The following ASTN2 variants were observed in gnomAD, a reference collection of about 807,000 sequenced individuals.
ASTN2 encodes astrotactin 2.
ASTN2 carries 54 observed loss-of-function variants against 139.8 expected under a neutral mutation model. That is an observed-to-expected ratio of 0.39 (90% confidence interval 0.31 to 0.48). ASTN2 has a LOEUF of 0.48. Ranked by LOEUF, ASTN2 falls within the 20% of genes least tolerant of loss-of-function variation. The probability of loss-of-function intolerance (pLI) is 0.95; values close to 1 mark genes in which losing one functional copy is unlikely to be tolerated. For synonymous variants in ASTN2, 756 were observed against 719.5 expected, an observed-to-expected ratio of 1.05 and a Z score of -0.81; for missense variants, 1,565 against 1,725.1, an observed-to-expected ratio of 0.91 and a Z score of 1.64.
At chr9:116,682,501 T>C (rs532779774) in intron 16 of ASTN2, among the ~76,000 whole-genome samples, 1 of 152,290 alleles carries the variant, frequency 6.6e-6, no homozygotes, top group East Asian at 1.9e-4. Flanking sequence ...AGAAATACCA[T>C]TTGACCCAGC....
intron 3 of ASTN2, among the ~76,000 whole-genome samples, chr9:117,188,193 A>G (rs1293476235): frequency 4.5e-5 from 3 of 66,488 alleles, no homozygotes; most frequent in African/African-American, 1.6e-4. Context: ...AGAGAGAGAG[A>G]CAGAGAGAGA....
intron 19 of ASTN2, among the ~76,000 whole-genome samples, chr9:116,528,786 G>C (rs916000513): frequency 6.6e-6 from 1 of 152,162 alleles, no homozygotes; most frequent in African/African-American, 2.4e-5. Flanking sequence ...ATGGCTAAAA[G>C]GGGCCAAGGT....
At chr9:116,442,921 T>C (rs546693408) in intron 20 of ASTN2, among the ~76,000 whole-genome samples, 3 of 152,290 alleles carry the variant, frequency 2.0e-5, no homozygotes, top group South Asian at 4.1e-4. Flanking sequence ...CATTTATATA[T>C]TCATTAATTT....
At position 116,820,648 on chromosome 9, in the gene ASTN2, C is replaced by G; in HGVS notation, c.2176G>C (p.Ala726Pro). ...AACATGAAGATGGTGCTCGAAGTGG[C>G]ATCGTAGGGCAGGGGCAGCGTCTGC... Reference protein sequence around the residue: ...LQQTLPLPYDATSSTIFMFCG... With the variant: ...LQQTLPLPYDPTSSTIFMFCG... The change falls in exon 12 of 23, where the codon GCC becomes CCC. Residue 726 changes from alanine to proline, a missense_variant. Transcript: ENST00000313400. The G allele has an allele frequency of 1.2e-6, 2 of 1,614,142 alleles. No homozygotes were observed. Among genetic ancestry groups the G allele is most frequent in the Non-Finnish European group, 1.7e-6 (2 of 1,179,998 alleles).
At chr9:117,178,256 C>A (rs773852785) in intron 3 of ASTN2, among the ~76,000 whole-genome samples, 6 of 152,204 alleles carry the variant, frequency 3.9e-5, no homozygotes, top group African/African-American at 7.2e-5. Flanking sequence ...AGAATGAAAG[C>A]TCCACAAGGA....
In ASTN2 at chr9:116,464,011, G is replaced by A. The variant is rs140825495; in HGVS notation, c.3498-21458C>T. On this transcript the variant is annotated intron_variant, in intron 20 of 22. Coordinates refer to ENST00000313400, the MANE Select transcript of ASTN2 (RefSeq NM_001365068.1). ...GATCTTCCCACCTCGGCCTCCCAAA[G>A]TGCTGAGATTAAAGGTGCCAGCCAC... Among the ~76,000 whole-genome samples, 576 of 147,448 alleles carry A rather than the reference G, an allele frequency of 3.9e-3. 4 individuals carry two copies. Among genetic ancestry groups the A allele is most frequent in the African/African-American group, 0.014 (550 of 40,152 alleles).
chr9:117,060,404 A>G (rs558336327), intron 5 of ASTN2, among the ~76,000 whole-genome samples: 6 of 74,292 alleles, frequency 8.1e-5, no homozygotes, highest in East Asian at 6.1e-4. Flanking sequence ...GAAAGAAAGA[A>G]AGAAAGAAGG....
chr9:116,444,859 G>T (rs1564281495), intron 20 of ASTN2, among the ~76,000 whole-genome samples: 2 of 152,312 alleles, frequency 1.3e-5, no homozygotes, highest in African/African-American at 4.8e-5. Flanking sequence ...GATGTGAAAT[G>T]TAAGTGCACT....
intron 20 of ASTN2, among the ~76,000 whole-genome samples, chr9:116,462,293 A>T (rs753724406): frequency 2.0e-5 from 3 of 152,158 alleles, no homozygotes; most frequent in Non-Finnish European, 4.4e-5. Context: ...CCTTTTACAC[A>T]GGAAGAAATG....
chr9:116,513,984 CCTT>C (rs1388001242), intron 19 of ASTN2, among the ~76,000 whole-genome samples: 3 of 151,562 alleles, frequency 2.0e-5, no homozygotes, highest in South Asian at 4.1e-4. Flanking sequence ...TTTTCTGAAG[CCTT>C]CTTCTCTCAA....
intron 3 of ASTN2, among the ~76,000 whole-genome samples, chr9:117,207,445 A>C (rs368510877): frequency 6.6e-6 from 1 of 150,942 alleles, no homozygotes; most frequent in South Asian, 2.1e-4. Flanking sequence ...TCCCCCTCAG[A>C]CACATTTTCA....
At position 117,327,940 on chromosome 9, in the gene ASTN2, G is replaced by A. The variant is rs546971672; in HGVS notation, c.443-36427C>T. The stretch of plus-strand genomic sequence containing the variant: ...CAACAGAGTTTGGCGTCTAGTAAGT[G>A]CTCAATAACTGTTTGTTCTATCTAA... On this transcript the variant is annotated intron_variant, in intron 1 of 22. Coordinates refer to ENST00000313400, the MANE Select transcript of ASTN2 (RefSeq NM_001365068.1). 2.0e-5 allele frequency among the ~76,000 whole-genome samples: 3 copies of A among 152,254 alleles called. No homozygotes were observed. The South Asian group carries it at 6.2e-4, about 32-fold the overall frequency.
chr9:116,536,089 G>C lies in ASTN2; in HGVS notation c.3356-48589C>G, dbSNP rs189492836. On this transcript the variant is annotated intron_variant, in intron 19 of 22. Transcript: ENST00000313400. Reference sequence around the variant, plus strand: ...CTCTTTTCTCTAAACTTCTCTTCTTGCTTCATTTCATTCATTTGATCTTCA... The same window carrying C: ...CTCTTTTCTCTAAACTTCTCTTCTTCCTTCATTTCATTCATTTGATCTTCA... 2.8e-4 allele frequency among the ~76,000 whole-genome samples: 43 copies of C among 151,784 alleles called. 1 individual carries two copies. In the East Asian group the frequency reaches 8.0e-3, roughly 28 times the overall value.
intron 11 of ASTN2, among the ~76,000 whole-genome samples, chr9:116,849,394 G>A (rs1283073852): frequency 4.6e-5 from 7 of 152,064 alleles, no homozygotes; most frequent in African/African-American, 1.7e-4. Context: ...ACCTAAGGGT[G>A]GATAGCCATC....
Position 117,414,440 on chromosome 9 carries a change from A to T in ASTN2, c.442+57T>A. 1 of 1,596,070 alleles carries T rather than the reference A, an allele frequency of 6.3e-7. No individual in the cohort carries two copies. ...CCCAGGGCGCCCCCACCCGTCCGGC[A>T]TGACGCAGGGGCTCGGGGTTCCTTG... On this transcript the variant is annotated intron_variant, in intron 1 of 22. Coordinates refer to ENST00000313400, the MANE Select transcript of ASTN2 (RefSeq NM_001365068.1). This position sits in a 1 kb window ranked among gnomAD's most constrained non-coding sequence, Gnocchi z 4.2.
intron 7 of ASTN2, among the ~76,000 whole-genome samples, chr9:116,978,780 C>T (rs1588455435): frequency 6.9e-6 from 1 of 145,452 alleles, no homozygotes; most frequent in Middle Eastern, 3.4e-3. Flanking sequence ...TTATTTTATG[C>T]AGGCTTCAGG....
chr9:116,865,221 A>G (rs1424335061), intron 10 of ASTN2, among the ~76,000 whole-genome samples: 2 of 151,994 alleles, frequency 1.3e-5, no homozygotes, highest in Non-Finnish European at 1.5e-5. Flanking sequence ...TTGTAATCTC[A>G]GCACTTTGGG....
chr9:116,959,698 G>T (rs1286700771), intron 10 of ASTN2, among the ~76,000 whole-genome samples: 2 of 152,010 alleles, frequency 1.3e-5, no homozygotes, highest in African/African-American at 2.4e-5. Flanking sequence ...GCTTTAATTG[G>T]GGTCTTTTCT....
intron 1 of ASTN2, among the ~76,000 whole-genome samples, chr9:117,349,835 A>G (rs949260590): frequency 6.6e-6 from 1 of 152,176 alleles, no homozygotes; most frequent in Admixed American, 6.5e-5. Flanking sequence ...AAGGGACTTC[A>G]CCTCTGGCCA....
Sources: gnomAD v4.1 joint callset for allele counts (sites outside exome capture counted in the v4.1 genomes callset) on GRCh38, gnomAD v4.1.1 for gene constraint, Gnocchi (gnomAD v3.1) non-coding constraint, MANE v1.5 for transcripts, NCBI Gene and HGNC (gene_info 2026-07-23, HGNC 2026-07-21) for gene names.